The following C1QTNF7 variants were observed in gnomAD, a reference collection of about 807,000 sequenced individuals.
The protein encoded by C1QTNF7 is complement C1q tumor necrosis factor-related protein 7.
Under a neutral mutation model 19.6 loss-of-function variants are expected in C1QTNF7, and 15 were observed. That is an observed-to-expected ratio of 0.76 (90% CI 0.51 to 1.18). C1QTNF7 has a LOEUF of 1.18. Among genes scored for constraint, C1QTNF7 ranks in the 50% most tolerant of loss-of-function variants. The pLI is 0.00. For missense variants in C1QTNF7, 324 were observed against 359.7 expected, an observed-to-expected ratio of 0.90 and a Z score of 0.80; for synonymous variants, 142 against 137.5, an observed-to-expected ratio of 1.03 and a Z score of -0.23.
chr4:15,445,300 A>G lies in C1QTNF7; in HGVS notation c.*2501A>G, dbSNP rs1336976124. ...AGAAGTAACTAATCCGGGAAAAGTG[A>G]ACATATGGGCCCTTTAAAGACTACA... On this transcript the variant is annotated 3_prime_UTR_variant, in exon 3 of 3. Transcript: ENST00000444304. 6.6e-6 allele frequency: 1 copy of G among 152,254 alleles called. No homozygotes were observed. The highest frequency in any genetic ancestry group is 1.5e-5 in the Non-Finnish European group (1 of 68,046). The allele number at this position is 152,254 out of a possible 1,614,324, so 9.4% of individuals were successfully genotyped here.
chr4:15,347,472 C>T (rs960770369), intron 1 of C1QTNF7, among the ~76,000 whole-genome samples: 1 of 152,310 alleles, frequency 6.6e-6, no homozygotes, highest in East Asian at 1.9e-4. Flanking sequence ...GGAGGACTTT[C>T]CCCAGATGCC....
Position 15,395,095 on chromosome 4 carries a change from G to A in C1QTNF7, c.14-40641G>A, listed in dbSNP as rs137925590. The stretch of plus-strand genomic sequence containing the variant: ...GGGAAAGAGCCTGGCTGGTCAGGGG[G>A]CAGAAGGGAGAGAAGAGAGAGCCTG... On this transcript the variant is annotated intron_variant, in intron 1 of 2. Transcript: ENST00000295297. Among the ~76,000 whole-genome samples the A allele has an allele frequency of 4.7e-3, 717 of 152,312 alleles. 7 individuals are homozygous for A. Among genetic ancestry groups the A allele is most frequent in the African/African-American group, 0.016 (675 of 41,574 alleles).
At chr4:15,402,515 A>G (rs1719028676) in intron 1 of C1QTNF7, among the ~76,000 whole-genome samples, 1 of 152,238 alleles carries the variant, frequency 6.6e-6, no homozygotes, top group East Asian at 1.9e-4. Flanking sequence ...TTTGACAGAA[A>G]AGAATATAAA....
intron 1 of C1QTNF7, among the ~76,000 whole-genome samples, chr4:15,412,634 A>T (rs910444031): frequency 6.6e-6 from 1 of 152,186 alleles, no homozygotes; most frequent in African/African-American, 2.4e-5. Context: ...ACATCTGCAA[A>T]GCCCGTCTCA....
intron 1 of C1QTNF7, among the ~76,000 whole-genome samples, chr4:15,354,397 C>T (rs2109291912): frequency 6.6e-6 from 1 of 152,102 alleles, no homozygotes; most frequent in East Asian, 1.9e-4. Flanking sequence ...GGAAAGCAGA[C>T]TTTTAGGAAG....
At chr4:15,384,545 G>C (rs920511018) in intron 1 of C1QTNF7, among the ~76,000 whole-genome samples, 1 of 152,134 alleles carries the variant, frequency 6.6e-6, no homozygotes, top group African/African-American at 2.4e-5. Flanking sequence ...CCTGAGTCTA[G>C]AGAATGTTCT....
intron 2 of C1QTNF7, 68 bp from the exon 3 acceptor site, chr4:15,442,100 T>C: frequency 1.3e-6 from 2 of 1,497,292 alleles, no homozygotes; most frequent in Non-Finnish European, 1.8e-6. Flanking sequence ...GCTGGGACCA[T>C]GTAGGTATAT....
intron 1 of C1QTNF7, among the ~76,000 whole-genome samples, chr4:15,352,650 A>G (rs1716978908): frequency 6.6e-6 from 1 of 152,184 alleles, no homozygotes; most frequent in Non-Finnish European, 1.5e-5. Flanking sequence ...AACAAGGCAT[A>G]ACAGCCAGAA....
intron 1 of C1QTNF7, among the ~76,000 whole-genome samples, chr4:15,367,012 G>A (rs1015793493): frequency 6.6e-6 from 1 of 152,148 alleles, no homozygotes; most frequent in Non-Finnish European, 1.5e-5. Context: ...CATTTACATA[G>A]GGGGTGCATC....
intron 1 of C1QTNF7, among the ~76,000 whole-genome samples, chr4:15,368,467 T>C (rs1016381974): frequency 6.7e-6 from 1 of 149,680 alleles, no homozygotes. Context: ...CAGGCCCCGG[T>C]GTGTGATGTT....
chr4:15,421,786 A>ACATAGT (rs1711774307), intron 1 of C1QTNF7, among the ~76,000 whole-genome samples: 1 of 152,252 alleles, frequency 6.6e-6, no homozygotes, highest in African/African-American at 2.4e-5. Flanking sequence ...TGTAGGTAGC[A>ACATAGT]CATAGTAGAT....
At chr4:15,355,092 T>G (rs1717086637) in intron 1 of C1QTNF7, among the ~76,000 whole-genome samples, 1 of 152,142 alleles carries the variant, frequency 6.6e-6, no homozygotes, top group South Asian at 2.1e-4. Context: ...CCATGTGACC[T>G]TGGACAAGCT....
chr4:15,419,489 A>G (rs1711637049), intron 1 of C1QTNF7, among the ~76,000 whole-genome samples: 1 of 152,334 alleles, frequency 6.6e-6, no homozygotes, highest in Middle Eastern at 3.4e-3. Flanking sequence ...GCAACAGTGT[A>G]TAGGTACTAT....
intron 1 of C1QTNF7, among the ~76,000 whole-genome samples, chr4:15,413,033 G>C (rs1231869921): frequency 6.6e-6 from 1 of 152,170 alleles, no homozygotes; most frequent in African/African-American, 2.4e-5. Context: ...GAATTCTCTT[G>C]GGAGTTGCAC....
At chr4:15,431,205 A>AT (rs1029309876) in intron 1 of C1QTNF7, among the ~76,000 whole-genome samples, 22 of 152,184 alleles carry the variant, frequency 1.4e-4, no homozygotes, top group African/African-American at 4.6e-4. Context: ...TATATGATGG[A>AT]TTTTTTTAGC....
chr4:15,401,074 A>C (rs369649126), intron 1 of C1QTNF7, among the ~76,000 whole-genome samples: 3 of 152,352 alleles, frequency 2.0e-5, no homozygotes, highest in Admixed American at 6.5e-5. Context: ...GGCGCACCCC[A>C]GTGCTGCATA....
At chr4:15,380,520 C>A (rs904081424) in intron 1 of C1QTNF7, among the ~76,000 whole-genome samples, 3 of 152,224 alleles carry the variant, frequency 2.0e-5, no homozygotes, top group Non-Finnish European at 4.4e-5. Context: ...AGAAGGGAAG[C>A]CTTCCTCCAA....
rs529909601 is a variant in C1QTNF7 at position 15,406,715 on chromosome 4, A to T, written c.14-29021A>T. Among the ~76,000 whole-genome samples, 107 of 152,354 alleles carry T rather than the reference A, an allele frequency of 7.0e-4. 2 individuals are homozygous for T. The highest frequency in any genetic ancestry group is 2.8e-4 in the Non-Finnish European group (19 of 68,040). ...TTAACACATCCATATACTGTAATTT[A>T]AAAATTACTCTGTAGAATTATATTT... On this transcript the variant is annotated intron_variant, in intron 1 of 2. Coordinates refer to the C1QTNF7 transcript ENST00000295297.
At chr4:15,367,823 T>A (rs944162939) in intron 1 of C1QTNF7, among the ~76,000 whole-genome samples, 2 of 152,196 alleles carry the variant, frequency 1.3e-5, no homozygotes, top group Non-Finnish European at 2.9e-5. Flanking sequence ...TTTTTATTTT[T>A]TTTTTTCACA....
Sources: allele counts gnomAD v4.1 joint callset (sites outside exome capture counted in the v4.1 genomes callset), GRCh38; gene constraint gnomAD v4.1.1; transcripts MANE v1.5; gene names NCBI Gene and HGNC (gene_info 2026-07-23, HGNC 2026-07-21).